STRBP: variants seen among roughly 807,000 people sequenced by gnomAD.
STRBP encodes the protein spermatid perinuclear RNA binding protein.
STRBP carries 13 observed loss-of-function variants against 80.1 expected under a neutral mutation model. That is an observed-to-expected ratio of 0.16 (90% confidence interval 0.11 to 0.26). The LOEUF (loss-of-function observed/expected upper bound fraction) is 0.26, where lower values mean the gene tolerates loss of function less well. Ranked by LOEUF, STRBP falls within the 10% of genes least tolerant of loss-of-function variation. STRBP has a pLI of 1.00. For synonymous variants in STRBP, 284 were observed against 291.2 expected, an observed-to-expected ratio of 0.98 and a Z score of 0.25; for missense variants, 485 against 815.2, an observed-to-expected ratio of 0.59 and a Z score of 4.93.
intron 2 of STRBP, among the ~76,000 whole-genome samples, chr9:123,193,279 A>C (rs1249151144): frequency 6.6e-6 from 1 of 152,190 alleles, no homozygotes; most frequent in Admixed American, 6.5e-5. Context: ...ATTTGAATTC[A>C]ACCCTAAATT....
chr9:123,265,804 T>C (rs2041253919), intron 1 of STRBP, among the ~76,000 whole-genome samples: 1 of 152,106 alleles, frequency 6.6e-6, no homozygotes, highest in African/African-American at 2.4e-5. Context: ...TACCAGAGAA[T>C]CCAAAAGCCT....
At chr9:123,169,546 C>T (rs574121158) in intron 6 of STRBP, among the ~76,000 whole-genome samples, 21 of 151,926 alleles carry the variant, frequency 1.4e-4, no homozygotes, top group Non-Finnish European at 2.2e-4. Context: ...TCCTGAAATC[C>T]GACCATTAAG....
chr9:123,232,938 C>A (rs963336063), intron 2 of STRBP, among the ~76,000 whole-genome samples: 31 of 152,188 alleles, frequency 2.0e-4, no homozygotes, highest in African/African-American at 7.5e-4. Context: ...ATCCTACTAG[C>A]ACCATGAAGG....
chr9:123,114,904 T>A, intron 3 of STRBP: 1 of 305,838 alleles, frequency 3.3e-6, no homozygotes. Flanking sequence ...GAGATGCCAT[T>A]CCTGCCTCTC....
At position 123,124,121 on chromosome 9, in the gene STRBP, C is replaced by T. The variant is rs1038960617; in HGVS notation, c.*1476G>A. 2.9e-5 allele frequency: 29 copies of T among 985,270 alleles called. No homozygotes were observed. Among genetic ancestry groups the T allele is most frequent in the Non-Finnish European group, 3.4e-5 (28 of 829,934 alleles). The allele number at this position is 985,270 out of a possible 1,614,324, so 61.0% of individuals were successfully genotyped here. ...GCCCATTTCACCTTTATTTAGTGGT[C>T]CCGAAGGAATTTGGTACATACATTT... On this transcript the variant is annotated 3_prime_UTR_variant, in exon 19 of 19. Coordinates refer to ENST00000348403, the MANE Select transcript of STRBP (RefSeq NM_018387.5).
At chr9:123,188,724 T>C (rs768665887) in intron 2 of STRBP, among the ~76,000 whole-genome samples, 1 of 152,202 alleles carries the variant, frequency 6.6e-6, no homozygotes, top group Non-Finnish European at 1.5e-5. Context: ...TTTAGGGATT[T>C]TTTTTCCTGA....
intron 2 of STRBP, among the ~76,000 whole-genome samples, chr9:123,188,868 C>T (rs930094423): frequency 6.6e-5 from 10 of 152,102 alleles, no homozygotes; most frequent in Admixed American, 1.3e-4. Flanking sequence ...TTTGTTAATA[C>T]TAATATAAGC....
intron 1 of STRBP, among the ~76,000 whole-genome samples, chr9:123,245,631 T>C (rs2040785615): frequency 6.6e-6 from 1 of 152,200 alleles, no homozygotes; most frequent in Non-Finnish European, 1.5e-5. Context: ...TCCGCCCTCC[T>C]CAGCCTCTCA....
chr9:123,206,664 G>A (rs1454135145), intron 2 of STRBP, among the ~76,000 whole-genome samples: 2 of 151,200 alleles, frequency 1.3e-5, no homozygotes, highest in Non-Finnish European at 2.9e-5. Flanking sequence ...TTTGACACGG[G>A]TTTCACTCTG....
At chr9:123,213,250 T>C (rs1180690613) in intron 2 of STRBP, among the ~76,000 whole-genome samples, 2 of 152,210 alleles carry the variant, frequency 1.3e-5, no homozygotes, top group Non-Finnish European at 2.9e-5. Flanking sequence ...CGCCATGAAC[T>C]TGTGACTGGT....
At chr9:123,168,964 A>C (rs1337288083) in intron 6 of STRBP, among the ~76,000 whole-genome samples, 2 of 152,164 alleles carry the variant, frequency 1.3e-5, no homozygotes, top group African/African-American at 4.8e-5. Context: ...AGTTAGTTTA[A>C]AGCATGATTC....
chr9:123,133,065 G>C, intron 16 of STRBP, 97 bp from the exon 17 acceptor site: 2 of 1,473,180 alleles, frequency 1.4e-6, no homozygotes, highest in Non-Finnish European at 1.8e-6. Flanking sequence ...GAAACTGTGA[G>C]CACGTGGGTG....
rs2035771846 is a variant in STRBP, at chr9:123,122,736, CT to C, written c.*2860del. ...GAGGATATGGCTTCAAGGAGGACCC[CT>C]ATCTCTGAGAAATTATAGTAACGCT... On this transcript the variant is annotated 3_prime_UTR_variant, in exon 19 of 19. Transcript: ENST00000348403. 4.0e-6 allele frequency: 4 copies of C among 992,700 alleles called. No homozygotes were observed. The highest frequency in any genetic ancestry group is 4.6e-5 in the South Asian group (1 of 21,880). The allele number at this position is 992,700 out of a possible 1,614,324, so 61.5% of individuals were successfully genotyped here. A position where few individuals can be genotyped will look rare whatever the true frequency, so the allele number is the denominator to read the frequency against.
In STRBP at chr9:123,181,800, CAAAAAAAAAAAAAAAAAAAAA is replaced by C. The variant is rs56785428; in HGVS notation, c.3+2311_3+2331del. On this transcript the variant is annotated intron_variant, in intron 3 of 18. Coordinates refer to ENST00000348403, the MANE Select transcript of STRBP (RefSeq NM_018387.5). ...CAGCAACAAGAGCAAAACTTCGTCTCAAAAAAAAAAAAAAAAAAAAAAAAAAAAAAAAAAAAGAAACAGTAA... is the reference window on the plus strand; with the variant it reads ...CAGCAACAAGAGCAAAACTTCGTCTCAAAAAAAAAAAAAAAGAAACAGTAA... 5.8e-4 allele frequency among the ~76,000 whole-genome samples: 15 copies of C among 25,778 alleles called. No homozygotes were observed. The South Asian group carries it at 0.032, about 54-fold the overall frequency. The allele number at this position is 25,778 out of a possible 152,430, so 16.9% of individuals were successfully genotyped here.
At chr9:123,178,170 C>T (rs1315028543) in intron 4 of STRBP, among the ~76,000 whole-genome samples, 1 of 152,192 alleles carries the variant, frequency 6.6e-6, no homozygotes, top group Non-Finnish European at 1.5e-5. Context: ...TTTATCAATA[C>T]TTTCCTATTA....
chr9:123,240,262 T>C (rs113802981), intron 1 of STRBP, among the ~76,000 whole-genome samples: 6 of 151,710 alleles, frequency 4.0e-5, no homozygotes, highest in African/African-American at 1.5e-4. Flanking sequence ...ACTCAACCAC[T>C]TAATATACTG....
At chr9:123,215,721 T>C (rs1385141280) in intron 2 of STRBP, among the ~76,000 whole-genome samples, 4 of 151,670 alleles carry the variant, frequency 2.6e-5, no homozygotes, top group East Asian at 1.9e-4. Flanking sequence ...GGAGGCGGAG[T>C]TGCAGTGAGC....
intron 14 of STRBP, among the ~76,000 whole-genome samples, chr9:123,137,034 T>C (rs143662156): frequency 6.4e-4 from 97 of 152,286 alleles, no homozygotes; most frequent in African/African-American, 2.3e-3. Context: ...TCTGAAATTT[T>C]AAAATAACAA....
intron 6 of STRBP, among the ~76,000 whole-genome samples, chr9:123,166,754 G>GCAACAA (rs72023338): frequency 1.6e-4 from 23 of 147,314 alleles, no homozygotes; most frequent in African/African-American, 6.0e-4. Context: ...ACTGTCTCCA[G>GCAACAA]CAACAACAAC....
Sources: gnomAD v4.1 joint callset for allele counts (sites outside exome capture counted in the v4.1 genomes callset) on GRCh38, gnomAD v4.1.1 for gene constraint, MANE v1.5 for transcripts, NCBI Gene and HGNC (gene_info 2026-07-23, HGNC 2026-07-21) for gene names.